AGRN: variants seen among roughly 807,000 people sequenced by gnomAD.
AGRN encodes agrin.
A neutral mutation model predicts 211.0 loss-of-function variants in AGRN; 106 were observed. That is an observed-to-expected ratio of 0.50 (90% CI 0.43 to 0.59). The LOEUF is 0.59. AGRN is among the 20% of genes least tolerant of loss of function. AGRN has a pLI of 0.00. For synonymous variants in AGRN, 1,525 were observed against 1,332.5 expected (o/e 1.14, Z -3.15); for missense variants, 3,040 against 2,982.6 (o/e 1.02, Z -0.45).
In AGRN at chr1:1,039,940, G is replaced by C. The variant is rs1346983601; in HGVS notation, c.512-725G>C. On this transcript the variant is annotated intron_variant, in intron 3 of 35. Coordinates refer to ENST00000379370, the MANE Select transcript of AGRN (RefSeq NM_198576.4). ...AGAATAGGAGATAGTAGAGGCGGAG[G>C]CCAGGAATTTGCACTTCTCCAGGGA... Among the ~76,000 whole-genome samples the C allele has an allele frequency of 3.3e-5, 5 of 152,318 alleles. No individual in the cohort carries two copies. The East Asian group carries it at 9.6e-4, about 29-fold the overall frequency.
intron 3 of AGRN, among the ~76,000 whole-genome samples, chr1:1,037,905 C>T (rs973346813): frequency 1.3e-5 from 2 of 152,122 alleles, no homozygotes; most frequent in African/African-American, 2.4e-5. Flanking sequence ...CCACGTGCAC[C>T]TGTCTTCAGG....
Position 1,041,006 on chromosome 1 carries a change from GCTGGGAGGGGC to G in AGRN, c.727+132_727+142del, listed in dbSNP as rs2100631325. ...GCGGGGCCCGGCGGGGAGGAGCGGG[GCTGGGAGGGGC>G]CTGGGGGGCGGAGCGGGGCGGGAGC... On this transcript the variant is annotated intron_variant, in intron 4 of 35. Transcript: ENST00000379370. 3 of 368,974 alleles carry G rather than the reference GCTGGGAGGGGC, an allele frequency of 8.1e-6. No individual in the cohort carries two copies. In the South Asian group the frequency reaches 3.9e-4, roughly 48 times the overall value. 22.9% of individuals were successfully genotyped at this position (368,974 alleles called of 1,614,324 possible).
chr1:1,042,640 C>T (rs560202401), intron 7 of AGRN, among the ~76,000 whole-genome samples: 4 of 152,298 alleles, frequency 2.6e-5, no homozygotes, highest in Admixed American at 6.5e-5. Context: ...GCGTCTGTCT[C>T]TTCTCTTTGG....
At chr1:1,036,307 G>A (rs116375407) in intron 3 of AGRN, among the ~76,000 whole-genome samples, 3,416 of 152,260 alleles carry the variant, frequency 0.022, 85 homozygotes, top group African/African-American at 0.063. Flanking sequence ...TGTGATGCCC[G>A]CCTGTGCTGA....
rs747684268 is a variant in AGRN, at chr1:1,047,771, C to T, written c.3632-5C>T. ...CTGCCATGCTCAGAGCTCCCTCCTC[C>T]CCAGCCACAGCCTTCAGGGCACCCG... On this transcript the variant is annotated splice_region_variant and splice_polypyrimidine_tract_variant and intron_variant, in intron 21 of 35. Transcript: ENST00000379370. 1 of 1,609,116 alleles carries T rather than the reference C, an allele frequency of 6.2e-7. No individual in the cohort carries two copies. Among genetic ancestry groups the T allele is most frequent in the East Asian group, 2.2e-5 (1 of 44,684 alleles).
chr1:1,042,546 T>C (rs1424332634), intron 7 of AGRN, among the ~76,000 whole-genome samples: 1 of 152,188 alleles, frequency 6.6e-6, no homozygotes, highest in African/African-American at 2.4e-5. Flanking sequence ...GTGTCAGGAC[T>C]TGAAGGGCCA....
chr1:1,042,201 CT>C (rs1373584968), intron 7 of AGRN, 39 bp downstream of exon 7: 12 of 1,564,092 alleles, frequency 7.7e-6, no homozygotes, highest in Non-Finnish European at 1.0e-5. Context: ...GGGTGGGCTG[CT>C]CCTGCGTCAG....
At chr1:1,021,071 G>A (rs1266031747) in intron 1 of AGRN, among the ~76,000 whole-genome samples, 1 of 152,186 alleles carries the variant, frequency 6.6e-6, no homozygotes, top group Admixed American at 6.5e-5. Context: ...GGGGGACCCA[G>A]AGCCGGCGCC....
chr1:1,039,439 C>T (rs1479939764), intron 3 of AGRN, among the ~76,000 whole-genome samples: 2 of 151,394 alleles, frequency 1.3e-5, no homozygotes, highest in Admixed American at 6.6e-5. Context: ...CCCCATTTCA[C>T]GAGCCTGCTG....
At chr1:1,051,191 C>T in intron 30 of AGRN, 62 bp from the exon 31 acceptor site, 2 of 1,542,584 alleles carry the variant, frequency 1.3e-6, no homozygotes, top group Non-Finnish European at 1.8e-6. Flanking sequence ...GTGCAGGTGC[C>T]TGGGCCCTGG....
Position 1,051,434 on chromosome 1 carries a change from C to T in AGRN, c.5371-19C>T, listed in dbSNP as rs1645286868. On this transcript the variant is annotated intron_variant, in intron 31 of 35. Coordinates refer to ENST00000379370, the MANE Select transcript of AGRN (RefSeq NM_198576.4). ...GGGCGGGGTGGCAGGCGGGACAAGG[C>T]CCTCACCCTGCCCTGCAGGTCTCCC... The T allele has an allele frequency of 6.5e-7, 1 of 1,545,626 alleles. No individual in the cohort carries two copies. Among genetic ancestry groups the T allele is most frequent in the Middle Eastern group, 2.1e-4 (1 of 4,868 alleles).
At position 1,051,819 on chromosome 1, in the gene AGRN, A is replaced by G. The variant is rs953320659; in HGVS notation, c.5651+4A>G. ...ACCTCAACGCTGTGACCGAGAGGTAACGTGCCATCCTCTGCTGGCTGTCGG... is the reference window on the plus strand; with the variant it reads ...ACCTCAACGCTGTGACCGAGAGGTAGCGTGCCATCCTCTGCTGGCTGTCGG... On this transcript the variant is annotated splice_donor_region_variant and intron_variant, in intron 33 of 35. Transcript: ENST00000379370. The G allele has an allele frequency of 6.2e-7, 1 of 1,613,558 alleles. No individual in the cohort carries two copies. The highest frequency in any genetic ancestry group is 8.5e-7 in the Non-Finnish European group (1 of 1,179,916).
At chr1:1,054,212 A>T (rs1645391207) in intron 34 of AGRN, among the ~76,000 whole-genome samples, 1 of 152,186 alleles carries the variant, frequency 6.6e-6, no homozygotes, top group Non-Finnish European at 1.5e-5. Context: ...GGGTCGCTCC[A>T]GTCTGAGCCT....
Position 1,045,767 on chromosome 1 carries a change from T to C in AGRN, c.2571T>C (p.Asp857=). Residue 857 remains aspartate, a synonymous_variant, in exon 15 of 36, where the codon GAT becomes GAC. Transcript: ENST00000379370. ...CSCDPQGAVR[D]DCEQMTGLCS... ...GTGATCCCCAAGGCGCCGTGCGGGA[T>C]GACTGTGAGCAGATGACGGGGCTGT... 6.2e-7 allele frequency: 1 copy of C among 1,613,356 alleles called. No homozygotes were observed. Among genetic ancestry groups the C allele is most frequent in the Non-Finnish European group, 8.5e-7 (1 of 1,179,956 alleles).
chr1:1,047,798 C>T lies in AGRN; in HGVS notation c.3654C>T (p.Asp1218=), dbSNP rs746158196. ...CAGCCACAGCCTTCAGGGCACCCGA[C>T]GTGGCCCGGGCCCTGCTCCGGCAGA... ...FDPTTAFRAP[D]VARALLRQIQ... The change falls in exon 22 of 36, where the codon GAC becomes GAT. Residue 1218 remains aspartate, a synonymous_variant. Coordinates refer to ENST00000379370, the MANE Select transcript of AGRN (RefSeq NM_198576.4). 46 of 1,604,630 alleles carry T rather than the reference C, an allele frequency of 2.9e-5. No individual in the cohort carries two copies. Among genetic ancestry groups the T allele is most frequent in the African/African-American group, 1.9e-4 (14 of 74,734 alleles).
intron 33 of AGRN, chr1:1,052,218 C>T (rs2100692245): frequency 4.3e-6 from 2 of 464,140 alleles, no homozygotes; most frequent in Non-Finnish European, 7.6e-6. Context: ...AGGGTCGCCC[C>T]ACAGCCAACC....
rs779212624 is a variant in AGRN at position 1,044,447 on chromosome 1, G to A, written c.2254+8G>A. On this transcript the variant is annotated splice_region_variant and intron_variant, in intron 12 of 35. Transcript: ENST00000379370. ...CCCAGGGAGCCTGCCGAGGTGAGCC[G>A]GCTGCACGTGGGGTCTCAGGCACAG... 19 of 1,600,450 alleles carry A rather than the reference G, an allele frequency of 1.2e-5. No individual in the cohort carries two copies. Among genetic ancestry groups the A allele is most frequent in the African/African-American group, 4.0e-5 (3 of 74,576 alleles).
At chr1:1,035,166 CG>C (rs1644771157) in intron 2 of AGRN, 110 bp from the exon 3 acceptor site, 6 of 1,012,482 alleles carry the variant, frequency 5.9e-6, no homozygotes, top group Non-Finnish European at 8.3e-6. Flanking sequence ...CTGGGGCTAG[CG>C]GTGGGGGGGG....
rs190690479 is a variant in AGRN, at chr1:1,040,252, T to C, written c.512-413T>C. Among the ~76,000 whole-genome samples the C allele has an allele frequency of 1.1e-3, 166 of 152,218 alleles. 4 individuals carry two copies. The East Asian group carries it at 0.027, about 24-fold the overall frequency. Reference sequence around the variant, plus strand: ...GCTCCGGTGCCGATGTGGAAGGAGCTCCTGAGCAGAACTGGGGCCTGGACT... The same window carrying C: ...GCTCCGGTGCCGATGTGGAAGGAGCCCCTGAGCAGAACTGGGGCCTGGACT... On this transcript the variant is annotated intron_variant, in intron 3 of 35. Coordinates refer to ENST00000379370, the MANE Select transcript of AGRN (RefSeq NM_198576.4).
Sources: gnomAD v4.1 joint callset for allele counts (sites outside exome capture counted in the v4.1 genomes callset) on GRCh38, gnomAD v4.1.1 for gene constraint, MANE v1.5 for transcripts, NCBI Gene and HGNC (gene_info 2026-07-23, HGNC 2026-07-21) for gene names.